The following CXADR variants were observed in gnomAD, a reference collection of about 807,000 sequenced individuals.
CXADR encodes coxsackievirus and adenovirus receptor.
A neutral mutation model predicts 40.3 loss-of-function variants in CXADR; 20 were observed. The ratio of observed to expected loss-of-function variants is 0.50; its 90% CI spans 0.35 to 0.72. The LOEUF (loss-of-function observed/expected upper bound fraction) is 0.72. Among genes scored for constraint, CXADR ranks in the 30% least tolerant of loss-of-function variants. CXADR has a pLI of 0.01. For synonymous variants in CXADR, 150 were observed against 161.3 expected, an observed-to-expected ratio of 0.93 and a Z score of 0.53; for missense variants, 332 against 449.1, an observed-to-expected ratio of 0.74 and a Z score of 2.36.
chr21:17,579,652 G>C (rs1452149613), intron 7 of CXADR, among the ~76,000 whole-genome samples: 2 of 152,196 alleles, frequency 1.3e-5, no homozygotes, highest in Non-Finnish European at 2.9e-5. Context: ...GTAGGGCAGG[G>C]TAAGAAGACA....
chr21:17,560,837 C>T lies in CXADR; in HGVS notation c.694+13C>T, dbSNP rs770618462. 12 of 1,612,106 alleles carry T rather than the reference C, an allele frequency of 7.4e-6. No individual in the cohort carries two copies. The highest frequency in any genetic ancestry group is 9.3e-6 in the Non-Finnish European group (11 of 1,179,130). The stretch of plus-strand genomic sequence containing the variant: ...AACGTTGTCCCTCGTAAGTTATCTT[C>T]TTTCTGTTGGTGGTTTTGTTTCTGT... On this transcript the variant is annotated intron_variant, in intron 5 of 6. Coordinates refer to ENST00000284878, the MANE Select transcript of CXADR (RefSeq NM_001338.5).
chr21:17,632,463 T>G, the CXADR span, among the ~76,000 whole-genome samples: 1 of 152,204 alleles, frequency 6.6e-6, no homozygotes, highest in African/African-American at 2.4e-5. Flanking sequence ...CATATTGATG[T>G]GGAGGCTCAA....
chr21:17,566,788 A>T lies in CXADR; in HGVS notation c.*1096A>T. 1.0e-6 allele frequency: 1 copy of T among 966,674 alleles called. No homozygotes were observed. Among genetic ancestry groups the T allele is most frequent in the South Asian group, 4.8e-5 (1 of 20,914 alleles). 59.9% of individuals were successfully genotyped at this position (966,674 alleles called of 1,614,324 possible). A position where few individuals can be genotyped will look rare whatever the true frequency, so the allele number is the denominator to read the frequency against. On this transcript the variant is annotated 3_prime_UTR_variant, in exon 7 of 7. Coordinates refer to ENST00000284878, the MANE Select transcript of CXADR (RefSeq NM_001338.5). Reference sequence around the variant, plus strand: ...TCATAAATGCAGAATAATCAAATACATTTTAAGCAAGTTAAGTGTCCTCCA... The same window carrying T: ...TCATAAATGCAGAATAATCAAATACTTTTTAAGCAAGTTAAGTGTCCTCCA...
intron 1 of CXADR, among the ~76,000 whole-genome samples, chr21:17,539,620 G>T (rs967971392): frequency 1.3e-5 from 2 of 152,138 alleles, no homozygotes; most frequent in African/African-American, 4.8e-5. Context: ...AGGATCAGAT[G>T]AAATAATTAA....
intron 2 of CXADR, among the ~76,000 whole-genome samples, chr21:17,549,680 C>T (rs1026031620): frequency 3.3e-5 from 5 of 152,142 alleles, no homozygotes; most frequent in Non-Finnish European, 5.9e-5. Context: ...TGGGAAGACA[C>T]TAAGCTAGCT....
the CXADR span, among the ~76,000 whole-genome samples, chr21:17,634,980 T>C: frequency 6.6e-6 from 1 of 152,192 alleles, no homozygotes; most frequent in Non-Finnish European, 1.5e-5. Context: ...AACCTTTGAT[T>C]CCTTGGACAT....
At chr21:17,598,665 C>T in the CXADR span, 1 of 1,614,114 alleles carries the variant, frequency 6.2e-7, no homozygotes, top group South Asian at 1.1e-5. Context: ...GTTTCACTTC[C>T]ATTTCCTTAC....
the CXADR span, among the ~76,000 whole-genome samples, chr21:17,603,334 C>T: frequency 3.3e-5 from 5 of 152,138 alleles, no homozygotes; most frequent in South Asian, 8.3e-4. Flanking sequence ...AGATAGCTTG[C>T]TCCTTTTCTA....
At chr21:17,537,800 G>A (rs2060778301) in intron 1 of CXADR, among the ~76,000 whole-genome samples, 1 of 152,098 alleles carries the variant, frequency 6.6e-6, no homozygotes, top group South Asian at 2.1e-4. Context: ...AACAGCATGA[G>A]CTTTGCCACC....
At chr21:17,520,866 A>G (rs919008086) in intron 1 of CXADR, among the ~76,000 whole-genome samples, 5 of 152,208 alleles carry the variant, frequency 3.3e-5, no homozygotes, top group African/African-American at 1.2e-4. Context: ...ACGGGAAATA[A>G]AAAGGAGCAG....
the CXADR span, among the ~76,000 whole-genome samples, chr21:17,606,599 A>G: frequency 6.6e-6 from 1 of 152,030 alleles, no homozygotes; most frequent in East Asian, 1.9e-4. Flanking sequence ...ACAGGCTCTA[A>G]GCTTACAAAT....
the CXADR span, among the ~76,000 whole-genome samples, chr21:17,618,313 T>G: frequency 2.0e-5 from 3 of 152,202 alleles, no homozygotes; most frequent in Non-Finnish European, 4.4e-5. Context: ...CTTCCTCCAC[T>G]GAATTCTTGA....
chr21:17,619,629 A>G, the CXADR span, among the ~76,000 whole-genome samples: 1 of 151,306 alleles, frequency 6.6e-6, no homozygotes, highest in Admixed American at 6.6e-5. Context: ...TTCAGGCTAT[A>G]CTTTGAAGAT....
At chr21:17,615,265 C>T in the CXADR span, among the ~76,000 whole-genome samples, 2 of 152,170 alleles carry the variant, frequency 1.3e-5, no homozygotes, top group African/African-American at 4.8e-5. Context: ...TCTGCTGGTA[C>T]CTTGATCTTT....
At chr21:17,623,044 A>G in the CXADR span, among the ~76,000 whole-genome samples, 2 of 152,028 alleles carry the variant, frequency 1.3e-5, no homozygotes, top group African/African-American at 4.8e-5. Context: ...ACCTCAAGCA[A>G]TCCTCCCACC....
Position 17,577,612 on chromosome 21 carries a change from C to CTTTTTTTT in CXADR, c.1017+12022_1017+12029dup, listed in dbSNP as rs532541050. 7.4e-4 allele frequency among the ~76,000 whole-genome samples: 27 copies of CTTTTTTTT among 36,578 alleles called. 5 individuals carry two copies. Among genetic ancestry groups the CTTTTTTTT allele is most frequent in the East Asian group, 2.2e-3 (2 of 924 alleles). 24.0% of individuals were successfully genotyped at this position (36,578 alleles called of 152,430 possible). On this transcript the variant is annotated intron_variant, in intron 7 of 7. Transcript: ENST00000400169. Reference sequence around the variant, plus strand: ...CTCACACGTCAGACCATTCTGCAAGCTTTTTTTTTTTTTTTTTTTTTTTTT... The same window carrying CTTTTTTTT: ...CTCACACGTCAGACCATTCTGCAAGCTTTTTTTTTTTTTTTTTTTTTTTTTTTTTTTTT...
chr21:17,563,581 A>G (rs1209985597), intron 6 of CXADR, among the ~76,000 whole-genome samples: 1 of 152,136 alleles, frequency 6.6e-6, no homozygotes, highest in African/African-American at 2.4e-5. Flanking sequence ...ATTATGAGAA[A>G]GTTTGAACTG....
intron 1 of CXADR, among the ~76,000 whole-genome samples, chr21:17,524,221 T>C (rs1351309265): frequency 6.6e-6 from 1 of 151,828 alleles, no homozygotes; most frequent in Non-Finnish European, 1.5e-5. Flanking sequence ...TGCCTTCCCA[T>C]TTGTCTTTCT....
the CXADR span, among the ~76,000 whole-genome samples, chr21:17,605,492 T>C: frequency 1.4e-4 from 21 of 152,222 alleles, no homozygotes; most frequent in Admixed American, 9.2e-4. Flanking sequence ...TTACCTATAA[T>C]TGTTCTATAA....
Sources: gnomAD v4.1 joint callset for allele counts (sites outside exome capture counted in the v4.1 genomes callset) on GRCh38, gnomAD v4.1.1 for gene constraint, MANE v1.5 for transcripts, NCBI Gene and HGNC (gene_info 2026-07-23, HGNC 2026-07-21) for gene names.